KRTCAP3: variants seen among roughly 807,000 people sequenced by gnomAD.
The protein encoded by KRTCAP3 is keratinocyte-associated protein 3.
In KRTCAP3, 18 loss-of-function variants were observed where a neutral mutation model predicts 20.5. That is an observed-to-expected ratio of 0.88 (90% CI 0.61 to 1.31). The LOEUF is 1.31. KRTCAP3 is among the 50% of genes most tolerant of loss of function. The pLI, the probability that KRTCAP3 is intolerant of heterozygous loss-of-function variation, is 0.00. For missense variants in KRTCAP3, 347 were observed against 310.4 expected, an observed-to-expected ratio of 1.12 and a Z score of -0.89; for synonymous variants, 167 against 133.7, an observed-to-expected ratio of 1.25 and a Z score of -1.72.
downstream of KRTCAP3, chr2:27,445,334 G>T: frequency 6.2e-7 from 1 of 1,613,190 alleles, no homozygotes. The surrounding 1 kb of genome is among the most constrained non-coding windows in gnomAD (Gnocchi z 4.4). Flanking sequence ...ACCAGTGCTC[G>T]CTGCCACTAG....
chr2:27,443,446 G>C lies in KRTCAP3; in HGVS notation c.529G>C (p.Glu177Gln). 1.2e-6 allele frequency: 2 copies of C among 1,614,156 alleles called. No homozygotes were observed. Among genetic ancestry groups the C allele is most frequent in the Non-Finnish European group, 1.7e-6 (2 of 1,180,012 alleles). ...CCCTTCTTTGCTCATGTCTGCAGGG[G>C]AGGCTGCTCTATCTGGTTACTGCTG... is the stretch of plus-strand genomic sequence containing the variant. ...WIPSLLMSAGEAALSGYCCVA... is the reference protein window; with the variant it reads ...WIPSLLMSAGQAALSGYCCVA... Residue 177 changes from glutamate to glutamine, a missense_variant, in exon 5 of 7, where the codon GAG becomes CAG. Coordinates refer to ENST00000288873, the MANE Select transcript of KRTCAP3 (RefSeq NM_173853.4).
At chr2:27,445,031 A>G (rs373184496), downstream of KRTCAP3, 8 of 1,613,994 alleles carry the variant, frequency 5.0e-6, no homozygotes, top group Non-Finnish European at 6.8e-6. This position sits in a 1 kb window ranked among gnomAD's most constrained non-coding sequence, Gnocchi z 4.4. Context: ...GCCATAAGGA[A>G]TTTATTCCAG....
At chr2:27,446,113 A>C (rs1665068385), downstream of KRTCAP3, 3 of 1,387,606 alleles carry the variant, frequency 2.2e-6, no homozygotes. Context: ...GGATCCAGGG[A>C]GAAAAATCCA....
chr2:27,446,096 T>C, downstream of KRTCAP3: 7 of 1,445,262 alleles, frequency 4.8e-6, no homozygotes, highest in Non-Finnish European at 6.8e-6. Context: ...TGAATGCTAT[T>C]TCTCTGGGAT....
At chr2:27,444,408 C>A (rs1664843184), downstream of KRTCAP3, 4 of 1,497,192 alleles carry the variant, frequency 2.7e-6, no homozygotes, top group Non-Finnish European at 3.7e-6. Context: ...GGGAGAGGCC[C>A]TAACTCTTCC....
Position 27,443,982 on chromosome 2 carries a change from T to C in KRTCAP3, c.649T>C (p.Cys217Arg). The C allele has an allele frequency of 6.2e-7, 1 of 1,613,216 alleles. No individual in the cohort carries two copies. Among genetic ancestry groups the C allele is most frequent in the South Asian group, 1.1e-5 (1 of 91,054 alleles). Reference sequence around the variant, plus strand: ...AATGACAGAGCTTGAATCTCCTAAATGTAAAAGGCAGGAAAATGAGCAGCT... The same window carrying C: ...AATGACAGAGCTTGAATCTCCTAAACGTAAAAGGCAGGAAAATGAGCAGCT... ...EEMTELESPK[C>R]KRQENEQLLD... Residue 217 changes from cysteine (C) to arginine (R), a missense_variant, in exon 6 of 7, where the codon TGT becomes CGT. Coordinates refer to ENST00000288873, the MANE Select transcript of KRTCAP3 (RefSeq NM_173853.4).
At position 27,442,457 on chromosome 2, in the gene KRTCAP3, G is replaced by A. The variant is rs769112319; in HGVS notation, c.28+17G>A. 1.3e-6 allele frequency: 2 copies of A among 1,567,566 alleles called. No individual in the cohort carries two copies. The highest frequency in any genetic ancestry group is 1.7e-6 in the Non-Finnish European group (2 of 1,156,550). ...GCGCTTTCGGTAACTTCCGGGCCCTGGCGTCTCGTCTCCTTACCCTGGGGC... is the reference window on the plus strand; with the variant it reads ...GCGCTTTCGGTAACTTCCGGGCCCTAGCGTCTCGTCTCCTTACCCTGGGGC... On this transcript the variant is annotated intron_variant, in intron 1 of 6. Transcript: ENST00000288873.
In KRTCAP3 at chr2:27,442,863, G is replaced by GCCCT. The variant is rs746965618; in HGVS notation, c.238_241dup (p.Leu81ProfsTer52). On this transcript the variant is annotated frameshift_variant, in exon 3 of 7. Transcript: ENST00000288873. LOFTEE classifies it high-confidence loss of function. ...ACAGAGCGTTTCCGTGGGACTTGTG[G>GCCCT]CCCTCCTGGCGTCCAGGAACCTTCT... 1.9e-6 allele frequency: 3 copies of GCCCT among 1,612,298 alleles called. No individual in the cohort carries two copies. In the South Asian group the frequency reaches 3.3e-5, roughly 18 times the overall value.
chr2:27,446,479 C>T, downstream of KRTCAP3: 1 of 775,504 alleles, frequency 1.3e-6, no homozygotes, highest in South Asian at 1.7e-5. Context: ...TCTGGATTCT[C>T]AAGCTGTTCT....
At chr2:27,444,951 G>GTTTTTTTTTTTTTTT, downstream of KRTCAP3, 1 of 1,513,338 alleles carries the variant, frequency 6.6e-7, no homozygotes, top group Non-Finnish European at 9.0e-7. Context: ...ACCCAGACTT[G>GTTTTTTTTTTTTTTT]TTTTTTTTTC....
At chr2:27,445,296 C>G (rs200049734), downstream of KRTCAP3, 86 of 1,610,640 alleles carry the variant, frequency 5.3e-5, no homozygotes, top group Non-Finnish European at 6.5e-5. This position sits in a 1 kb window ranked among gnomAD's most constrained non-coding sequence, Gnocchi z 4.4. Context: ...GCTTCTATAC[C>G]TGTAATAAGG....
At chr2:27,444,766 G>A (rs1664887391), downstream of KRTCAP3, among the ~76,000 whole-genome samples, 2 of 152,126 alleles carry the variant, frequency 1.3e-5, no homozygotes. Context: ...TCCTGCCTCA[G>A]CCTCCTGAGT....
downstream of KRTCAP3, chr2:27,445,030 A>T (rs867914878): frequency 1.2e-6 from 2 of 1,613,708 alleles, no homozygotes; most frequent in Middle Eastern, 1.6e-4. This position sits in a 1 kb window ranked among gnomAD's most constrained non-coding sequence, Gnocchi z 4.4. Flanking sequence ...GGCCATAAGG[A>T]ATTTATTCCA....
chr2:27,446,398 A>G (rs139062436), downstream of KRTCAP3: 3 of 1,555,906 alleles, frequency 1.9e-6, no homozygotes, highest in Admixed American at 5.0e-5. Flanking sequence ...CACTAAAGTG[A>G]CTGAGCTACC....
intron 3 of KRTCAP3, 81 bp downstream of exon 3, chr2:27,442,982 A>G: frequency 1.9e-6 from 3 of 1,576,420 alleles, no homozygotes; most frequent in Non-Finnish European, 2.6e-6. Flanking sequence ...GTCTTTCAAT[A>G]GATTGGAGGA....
intron 6 of KRTCAP3, 37 bp downstream of exon 6, chr2:27,444,098 G>C: frequency 8.2e-7 from 1 of 1,226,734 alleles, no homozygotes; most frequent in Non-Finnish European, 1.2e-6. Context: ...GGGTAAGAGC[G>C]GGGACAAGGA....
At chr2:27,443,629 A>G in intron 5 of KRTCAP3, 97 bp downstream of exon 5, 4 of 1,371,454 alleles carry the variant, frequency 2.9e-6, no homozygotes, top group Non-Finnish European at 3.1e-6. Flanking sequence ...CTGTAATCCC[A>G]GCACTTTGGG....
Position 27,444,139 on chromosome 2 carries a change from C to T in KRTCAP3, c.*6-47C>T. On this transcript the variant is annotated intron_variant, in intron 6 of 6. Transcript: ENST00000288873. ...TCTTAGAACTGGGTCTAGGTCTTGC[C>T]ATGCTGCTTTCCCCTCTGACCTGGG... 6 of 871,330 alleles carry T rather than the reference C, an allele frequency of 6.9e-6. No individual in the cohort carries two copies. The South Asian group carries it at 8.6e-5, about 12-fold the overall frequency. 54.0% of individuals were successfully genotyped at this position (871,330 alleles called of 1,614,324 possible).
downstream of KRTCAP3, chr2:27,445,277 G>GT: frequency 6.2e-7 from 1 of 1,603,254 alleles, no homozygotes. This position sits in a 1 kb window ranked among gnomAD's most constrained non-coding sequence, Gnocchi z 4.4. Context: ...AGGATCTGGG[G>GT]TGCTGTAGGC....
Sources: allele counts gnomAD v4.1 joint callset (sites outside exome capture counted in the v4.1 genomes callset), GRCh38; gene constraint gnomAD v4.1.1; non-coding constraint Gnocchi (gnomAD v3.1); transcripts MANE v1.5; gene names NCBI Gene and HGNC (gene_info 2026-07-23, HGNC 2026-07-21).